ZZZ3: variants seen among roughly 807,000 people sequenced by gnomAD.
ZZZ3 encodes the protein ZZ-type zinc finger-containing protein 3.
A neutral mutation model predicts 95.2 loss-of-function variants in ZZZ3; 22 were observed. The observed-to-expected ratio is 0.23, with a 90% CI of 0.17 to 0.33. ZZZ3 has a LOEUF of 0.33. Ranked by LOEUF, ZZZ3 falls within the 10% of genes least tolerant of loss-of-function variation. ZZZ3 has a pLI of 1.00. For synonymous variants in ZZZ3, 335 were observed against 358.9 expected (o/e 0.93, Z 0.75); for missense variants, 885 against 1,066.5 (o/e 0.83, Z 2.37).
chr1:77,673,055 A>G (rs1258104480), intron 1 of ZZZ3, among the ~76,000 whole-genome samples: 1 of 152,354 alleles, frequency 6.6e-6, no homozygotes, highest in East Asian at 1.9e-4. Context: ...AATCATGACC[A>G]AAATACCTAA....
chr1:77,611,277 A>C (rs1484657204), intron 5 of ZZZ3, among the ~76,000 whole-genome samples: 2 of 150,832 alleles, frequency 1.3e-5, no homozygotes, highest in Non-Finnish European at 3.0e-5. Flanking sequence ...AAACACAAAA[A>C]CTCTTAGGAA....
chr1:77,566,420 T>G (rs760979861), intron 13 of ZZZ3, among the ~76,000 whole-genome samples: 10 of 152,340 alleles, frequency 6.6e-5, no homozygotes, highest in Admixed American at 3.9e-4. Context: ...AGGGATAATC[T>G]TCAATCAGCT....
chr1:77,633,156 T>C lies in ZZZ3; in HGVS notation c.199A>G (p.Arg67Gly). ...VPIQKGNNNG[R>G]TTDLKQQSTR... ...CTCTGCTGTTTTAAATCAGTGGTTC[T>C]CCCATTATTATTTCCTTTCTGAATT... is the stretch of plus-strand genomic sequence containing the variant. The change falls in exon 5 of 15, where the codon AGA becomes GGA. Residue 67 changes from arginine (R) to glycine (G), a missense_variant. Coordinates refer to ENST00000370801, the MANE Select transcript of ZZZ3 (RefSeq NM_015534.6). The C allele has an allele frequency of 6.2e-7, 1 of 1,614,020 alleles. No homozygotes were observed. Among genetic ancestry groups the C allele is most frequent in the Non-Finnish European group, 8.5e-7 (1 of 1,179,988 alleles).
chr1:77,633,416 G>A lies in ZZZ3; in HGVS notation c.-51-11C>T. ...CACTCATTGGGAAACCTTCAAAAATGTAAACAAAATAATGAGAAAAAGGTA... is the reference window on the plus strand; with the variant it reads ...CACTCATTGGGAAACCTTCAAAAATATAAACAAAATAATGAGAAAAAGGTA... On this transcript the variant is annotated splice_polypyrimidine_tract_variant and intron_variant, in intron 4 of 14. Transcript: ENST00000370801. 2 of 1,501,838 alleles carry A rather than the reference G, an allele frequency of 1.3e-6. No homozygotes were observed. 93.0% of individuals were successfully genotyped at this position (1,501,838 alleles called of 1,614,324 possible).
chr1:77,580,040 T>G (rs1182788202), intron 9 of ZZZ3: 1 of 153,092 alleles, frequency 6.5e-6, no homozygotes, highest in Non-Finnish European at 1.5e-5. Context: ...TAAATTCACT[T>G]AAATTTCGAC....
At chr1:77,659,256 A>G (rs1670567936) in intron 1 of ZZZ3, among the ~76,000 whole-genome samples, 1 of 152,154 alleles carries the variant, frequency 6.6e-6, no homozygotes, top group Non-Finnish European at 1.5e-5. Context: ...CTATCACTCA[A>G]TGTAGCTTTA....
intron 8 of ZZZ3, 96 bp downstream of exon 8, chr1:77,581,680 A>C (rs1662545085): frequency 1.0e-6 from 1 of 969,798 alleles, no homozygotes; most frequent in African/African-American, 1.7e-5. Flanking sequence ...CTTCCAGTGA[A>C]AGACTGCTTT....
Position 77,564,144 on chromosome 1 carries a change from TTAAA to T in ZZZ3, c.*1492_*1495del, listed in dbSNP as rs1426983037. The T allele has an allele frequency of 6.6e-6, 1 of 152,134 alleles. No individual in the cohort carries two copies. Among genetic ancestry groups the T allele is most frequent in the African/African-American group, 2.4e-5 (1 of 41,450 alleles). The allele number at this position is 152,134 out of a possible 1,614,324, so 9.4% of individuals were successfully genotyped here. On this transcript the variant is annotated 3_prime_UTR_variant, in exon 15 of 15. Coordinates refer to ENST00000370801, the MANE Select transcript of ZZZ3 (RefSeq NM_015534.6). ...AGGTGATTTTTCAAAAGCCATCTGT[TTAAA>T]TACATGGGGGCTTATCTTCATGAGA...
chr1:77,668,923 C>A (rs1671486754), intron 1 of ZZZ3, among the ~76,000 whole-genome samples: 5 of 151,448 alleles, frequency 3.3e-5, no homozygotes. Context: ...AAGCTCTGAT[C>A]TTTATTATTA....
At chr1:77,633,491 A>G in intron 4 of ZZZ3, 86 bp from the exon 5 acceptor site, 1 of 823,934 alleles carries the variant, frequency 1.2e-6, no homozygotes, top group Non-Finnish European at 1.8e-6. Flanking sequence ...TTTTTAATCC[A>G]AGTATACTTG....
At chr1:77,600,573 G>A (rs1195539390) in intron 5 of ZZZ3, among the ~76,000 whole-genome samples, 1 of 152,142 alleles carries the variant, frequency 6.6e-6, no homozygotes. Flanking sequence ...AGGGTCAGGG[G>A]TGGCTTCCCA....
rs1669667539 is a variant in ZZZ3 at position 77,650,093 on chromosome 1, C to T, written c.-402-8438G>A. 2.6e-5 allele frequency among the ~76,000 whole-genome samples: 4 copies of T among 151,932 alleles called. No individual in the cohort carries two copies. The South Asian group carries it at 8.3e-4, about 32-fold the overall frequency. Reference sequence around the variant, plus strand: ...ATAAATTAAGATGTATAGTATAAATCTTAAAACCACCACTAAAAAGCAGAT... The same window carrying T: ...ATAAATTAAGATGTATAGTATAAATTTTAAAACCACCACTAAAAAGCAGAT... On this transcript the variant is annotated intron_variant, in intron 1 of 14. Transcript: ENST00000370801.
Position 77,641,426 on chromosome 1 carries a change from G to A in ZZZ3, c.-248C>T, listed in dbSNP as rs1668768083. ...ATTAAGATAGACAGGATCCTGCAGT[G>A]TTTCTTAAAAGCCTGATACACTGAA... On this transcript the variant is annotated 5_prime_UTR_variant, in exon 3 of 15. Transcript: ENST00000370801. The A allele has an allele frequency of 2.5e-6, 1 of 395,662 alleles. No homozygotes were observed. Among genetic ancestry groups the A allele is most frequent in the Non-Finnish European group, 4.5e-6 (1 of 224,378 alleles). 24.5% of individuals were successfully genotyped at this position (395,662 alleles called of 1,614,324 possible).
At position 77,633,254 on chromosome 1, in the gene ZZZ3, G is replaced by T; in HGVS notation, c.101C>A (p.Ala34Glu). 1 of 1,614,030 alleles carries T rather than the reference G, an allele frequency of 6.2e-7. No individual in the cohort carries two copies. Among genetic ancestry groups the T allele is most frequent in the Non-Finnish European group, 8.5e-7 (1 of 1,179,978 alleles). ...CGRTLRNRSI[A>E]HPEEISSNSQ... ...ATTAGAAGAGATTTCTTCAGGATGC[G>T]CAATGCTACGATTCCTTAAAGTTCT... The change falls in exon 5 of 15, where the codon GCG becomes GAG. Residue 34 changes from alanine to glutamate, a missense_variant. Ala to Glu is a moderately radical substitution (Grantham distance 107). Coordinates refer to ENST00000370801, the MANE Select transcript of ZZZ3 (RefSeq NM_015534.6).
At chr1:77,648,631 A>G (rs1241982425) in intron 1 of ZZZ3, among the ~76,000 whole-genome samples, 2 of 152,188 alleles carry the variant, frequency 1.3e-5, no homozygotes, top group Non-Finnish European at 2.9e-5. Context: ...GAAAAGGTCA[A>G]TCAATCTGAT....
At chr1:77,575,386 G>A (rs1038745102) in intron 12 of ZZZ3, among the ~76,000 whole-genome samples, 2 of 152,148 alleles carry the variant, frequency 1.3e-5, no homozygotes, top group African/African-American at 4.8e-5. Flanking sequence ...ATCAGTGGCT[G>A]TTATGCCAAA....
chr1:77,630,217 T>C (rs1667674016), intron 5 of ZZZ3, among the ~76,000 whole-genome samples: 1 of 152,194 alleles, frequency 6.6e-6, no homozygotes, highest in Non-Finnish European at 1.5e-5. Context: ...GGCTCATGCC[T>C]ATACTCAATA....
intron 1 of ZZZ3, among the ~76,000 whole-genome samples, chr1:77,649,554 A>T (rs1275533619): frequency 6.6e-6 from 1 of 152,198 alleles, no homozygotes; most frequent in Non-Finnish European, 1.5e-5. Flanking sequence ...AGGAATATAG[A>T]GCACCAGAAA....
chr1:77,616,092 TAGTC>T (rs1441929859), intron 5 of ZZZ3, among the ~76,000 whole-genome samples: 1 of 152,212 alleles, frequency 6.6e-6, no homozygotes, highest in Non-Finnish European at 1.5e-5. Flanking sequence ...TCTCATTAAT[TAGTC>T]AGACACGCTT....
Sources: gnomAD v4.1 joint callset for allele counts (sites outside exome capture counted in the v4.1 genomes callset) on GRCh38, gnomAD v4.1.1 for gene constraint, MANE v1.5 for transcripts, NCBI Gene and HGNC (gene_info 2026-07-23, HGNC 2026-07-21) for gene names.